The following SLC24A1 variants were observed in gnomAD, a reference collection of about 807,000 sequenced individuals.
SLC24A1 encodes the protein solute carrier family 24 member 1, also known as sodium/potassium/calcium exchanger 1.
A neutral mutation model predicts 88.1 loss-of-function variants in SLC24A1; 52 were observed. The observed-to-expected ratio is 0.59, with a 90% CI of 0.47 to 0.74. The LOEUF (loss-of-function observed/expected upper bound fraction) is 0.74, where lower values mean the gene tolerates loss of function less well. Among genes scored for constraint, SLC24A1 ranks in the 30% least tolerant of loss-of-function variants. The pLI, the probability that SLC24A1 is intolerant of heterozygous loss-of-function variation, is 0.00. For synonymous variants in SLC24A1, 455 were observed against 498.0 expected (o/e 0.91, Z 1.15); for missense variants, 1,173 against 1,363.3 (o/e 0.86, Z 2.20).
At chr15:65,632,011 T>C (rs774219790) in intron 2 of SLC24A1, among the ~76,000 whole-genome samples, 4 of 152,098 alleles carry the variant, frequency 2.6e-5, no homozygotes, top group Non-Finnish European at 4.4e-5. Flanking sequence ...TTTGTATTTT[T>C]AGTAGAGATG....
chr15:65,620,182 G>T (rs1050805597), upstream of SLC24A1, among the ~76,000 whole-genome samples: 1 of 151,918 alleles, frequency 6.6e-6, no homozygotes. Context: ...TGGGGATTCA[G>T]TGGTGAATAA....
In SLC24A1 at chr15:65,651,081, A is replaced by C. The variant is rs897577507; in HGVS notation, c.2793+139A>C. The C allele has an allele frequency of 2.2e-5, 16 of 730,506 alleles. No individual in the cohort carries two copies. In the Admixed American group the frequency reaches 2.4e-4, roughly 11 times the overall value. The allele number at this position is 730,506 out of a possible 1,614,324, so 45.3% of individuals were successfully genotyped here. ...CAGGGCTCCACCATTGAGATCTGGG[A>C]AGGGACTGAAGCCTTGGAGGGGGAC... is the stretch of plus-strand genomic sequence containing the variant. On this transcript the variant is annotated intron_variant, in intron 7 of 9. Transcript: ENST00000261892.
intron 7 of SLC24A1, among the ~76,000 whole-genome samples, chr15:65,651,188 A>T (rs1000153911): frequency 1.3e-5 from 2 of 152,092 alleles, no homozygotes; most frequent in Non-Finnish European, 2.9e-5. Flanking sequence ...AGCAGCATAC[A>T]CTAGTCCCTC....
Position 65,623,598 on chromosome 15 carries a change from C to CA in SLC24A1, c.-126-356dup, listed in dbSNP as rs1024570026. 5.0e-4 allele frequency among the ~76,000 whole-genome samples: 76 copies of CA among 152,284 alleles called. 1 individual carries two copies. The highest frequency in any genetic ancestry group is 4.2e-3 in the Admixed American group (64 of 15,292). On this transcript the variant is annotated intron_variant, in intron 1 of 9. Coordinates refer to ENST00000261892, the MANE Select transcript of SLC24A1 (RefSeq NM_004727.3). ...TAAGGTGAGACCTGTGGCCTGACACCAGCTATGGATGACTGAGCTCCCAGG... is the reference window on the plus strand; with the variant it reads ...TAAGGTGAGACCTGTGGCCTGACACCAAGCTATGGATGACTGAGCTCCCAGG...
intron 2 of SLC24A1, among the ~76,000 whole-genome samples, chr15:65,633,167 G>A (rs1480378447): frequency 6.6e-6 from 1 of 152,158 alleles, no homozygotes; most frequent in African/African-American, 2.4e-5. Flanking sequence ...GGCAATAAGA[G>A]ACTGTAGCCA....
downstream of SLC24A1, chr15:65,659,206 G>C (rs1218034025): frequency 6.6e-6 from 1 of 151,334 alleles, no homozygotes; most frequent in African/African-American, 2.4e-5. Context: ...GACAGATGCT[G>C]TAGCAAAAGG....
chr15:65,629,633 C>CT (rs1482089086), intron 2 of SLC24A1, among the ~76,000 whole-genome samples: 1 of 152,224 alleles, frequency 6.6e-6, no homozygotes, highest in African/African-American at 2.4e-5. Flanking sequence ...TCTGACCTGC[C>CT]TTGACCATGC....
intron 1 of SLC24A1, among the ~76,000 whole-genome samples, chr15:65,622,999 C>T (rs1159402804): frequency 6.6e-6 from 1 of 152,152 alleles, no homozygotes; most frequent in Admixed American, 6.6e-5. Flanking sequence ...ACCTCAGCCT[C>T]CCAAAGTGCA....
Position 65,654,877 on chromosome 15 carries a change from C to T in SLC24A1, c.*798C>T, listed in dbSNP as rs1387760412. The T allele has an allele frequency of 2.6e-6, 3 of 1,166,752 alleles. No individual in the cohort carries two copies. Among genetic ancestry groups the T allele is most frequent in the African/African-American group, 1.6e-5 (1 of 60,674 alleles). 72.3% of individuals were successfully genotyped at this position (1,166,752 alleles called of 1,614,324 possible). A position where few individuals can be genotyped will look rare whatever the true frequency, so the allele number is the denominator to read the frequency against. ...CCTCCCAAAGTGCTGGGATTACAGG[C>T]GTCAGCCACCGCGCCTGGCCTATAC... is the stretch of plus-strand genomic sequence containing the variant. On this transcript the variant is annotated 3_prime_UTR_variant, in exon 10 of 10. Coordinates refer to ENST00000261892, the MANE Select transcript of SLC24A1 (RefSeq NM_004727.3).
Position 65,625,896 on chromosome 15 carries a change from A to G in SLC24A1, c.1816A>G (p.Ile606Val). 6.2e-7 allele frequency: 1 copy of G among 1,614,006 alleles called. No individual in the cohort carries two copies. The highest frequency in any genetic ancestry group is 1.1e-5 in the South Asian group (1 of 91,080). The change falls in exon 2 of 10, where the codon ATC (isoleucine) becomes GTC (valine). Residue 606 changes from isoleucine to valine, a missense_variant. Ile to Val is a conservative substitution (Grantham distance 29). Coordinates refer to ENST00000261892, the MANE Select transcript of SLC24A1 (RefSeq NM_004727.3). ...GTTCACCATGAAGTGGAACAAGCAT[A>G]TCGAGGTCTGGGTGAAGGAGCAGCT... ...YVFTMKWNKHIEVWVKEQLSR... is the reference protein window; with the variant it reads ...YVFTMKWNKHVEVWVKEQLSR...
downstream of SLC24A1, chr15:65,658,061 A>G (rs2075741103): frequency 6.6e-6 from 1 of 152,270 alleles, no homozygotes. Context: ...AAAGGCAGCA[A>G]TAACTTTATC....
At chr15:65,614,805 T>C (rs985188591) in intron 2 of SLC24A1, among the ~76,000 whole-genome samples, 1 of 152,034 alleles carries the variant, frequency 6.6e-6, no homozygotes, top group African/African-American at 2.4e-5. Flanking sequence ...GGAAAGAAGA[T>C]AGGAGGGGAG....
chr15:65,632,051 C>T (rs770123520), intron 2 of SLC24A1, among the ~76,000 whole-genome samples: 18 of 152,138 alleles, frequency 1.2e-4, no homozygotes, highest in East Asian at 1.9e-4. Flanking sequence ...AGGATGGTCT[C>T]GATCTCTTGA....
chr15:65,634,182 A>T (rs1473324908), intron 2 of SLC24A1, among the ~76,000 whole-genome samples: 2 of 152,154 alleles, frequency 1.3e-5, no homozygotes, highest in Non-Finnish European at 2.9e-5. Context: ...CGGACAAGGG[A>T]TTCAATAAAT....
intron 2 of SLC24A1, among the ~76,000 whole-genome samples, chr15:65,630,421 C>T (rs764401094): frequency 3.3e-5 from 5 of 152,186 alleles, no homozygotes; most frequent in African/African-American, 9.7e-5. Flanking sequence ...CTATCAGTGA[C>T]CTATAGAGCC....
At chr15:65,629,596 A>G (rs139371934) in intron 2 of SLC24A1, among the ~76,000 whole-genome samples, 1 of 152,330 alleles carries the variant, frequency 6.6e-6, no homozygotes, top group East Asian at 1.9e-4. Context: ...CTCTCAGTGT[A>G]TTTGTTCTGG....
At chr15:65,638,308 GCGCT>G in intron 3 of SLC24A1, 127 bp downstream of exon 3, 2 of 689,884 alleles carry the variant, frequency 2.9e-6, no homozygotes, top group Non-Finnish European at 2.6e-6. Context: ...ACTCCTGGGA[GCGCT>G]GCCAGGGTGA....
At chr15:65,623,470 A>G (rs999694933) in intron 1 of SLC24A1, among the ~76,000 whole-genome samples, 5 of 152,176 alleles carry the variant, frequency 3.3e-5, no homozygotes, top group Admixed American at 2.6e-4. Context: ...AGTCAGTTCA[A>G]AAAAATACAT....
rs763957405 is a variant in SLC24A1, at chr15:65,624,232, G to A, written c.152G>A (p.Trp51Ter). ...AGACCCCGGGGCCTTTCCTCATTGT[G>A]GGCAGCAGTCTCTTCTCATCAGCCT... is the stretch of plus-strand genomic sequence containing the variant. ...LRRPRGLSSL[W>*]AAVSSHQPIK... Residue 51 changes from tryptophan (W) to a stop codon, truncating the protein, a stop_gained, in exon 2 of 10, where the codon TGG becomes TAG. Transcript: ENST00000261892. LOFTEE classifies it high-confidence loss of function. 37 of 1,613,698 alleles carry A rather than the reference G, an allele frequency of 2.3e-5. No homozygotes were observed. The highest frequency in any genetic ancestry group is 3.1e-5 in the Non-Finnish European group (37 of 1,179,854).
Sources: gnomAD v4.1 joint callset for allele counts (sites outside exome capture counted in the v4.1 genomes callset) on GRCh38, gnomAD v4.1.1 for gene constraint, MANE v1.5 for transcripts, NCBI Gene and HGNC (gene_info 2026-07-23, HGNC 2026-07-21) for gene names.